Variants in SKAP1 observed in about 807,000 individuals in gnomAD.
The protein encoded by SKAP1 is src kinase-associated phosphoprotein 1.
In SKAP1, 44 loss-of-function variants were observed where a neutral mutation model predicts 58.5. The ratio of observed to expected loss-of-function variants is 0.75; its 90% confidence interval spans 0.59 to 0.97. SKAP1 has a LOEUF of 0.97. SKAP1 is among the 50% of genes least tolerant of loss of function. The pLI, the probability that SKAP1 is intolerant of heterozygous loss-of-function variation, is 0.00. For synonymous variants in SKAP1, 127 were observed against 149.7 expected, an observed-to-expected ratio of 0.85 and a Z score of 1.11; for missense variants, 390 against 435.2, an observed-to-expected ratio of 0.90 and a Z score of 0.92.
chr17:48,161,733 G>A lies in SKAP1; in HGVS notation c.978+736C>T, dbSNP rs567215116. ...AATTGCTCAAACCAATTGAGTTAAC[G>A]AGCTCTGACTCCTCCCCCATACATA... On this transcript the variant is annotated intron_variant, in intron 11 of 12. Transcript: ENST00000336915. Among the ~76,000 whole-genome samples the A allele has an allele frequency of 2.3e-3, 344 of 152,192 alleles. 1 individual carries two copies. Among genetic ancestry groups the A allele is most frequent in the Non-Finnish European group, 4.2e-3 (289 of 68,016 alleles).
intron 4 of SKAP1, among the ~76,000 whole-genome samples, chr17:48,342,975 ACT>A (rs914829177): frequency 2.6e-5 from 4 of 152,088 alleles, no homozygotes; most frequent in Admixed American, 2.0e-4. Context: ...ACAGAGCGAA[ACT>A]CTGTCTCAAA....
At chr17:48,264,592 G>T (rs948851707) in intron 4 of SKAP1, among the ~76,000 whole-genome samples, 9 of 152,114 alleles carry the variant, frequency 5.9e-5, no homozygotes, top group Non-Finnish European at 7.3e-5. Context: ...ACTCCAAAGA[G>T]ACCCATAAAG....
chr17:48,349,687 A>G (rs549944647), intron 3 of SKAP1, among the ~76,000 whole-genome samples: 1 of 152,252 alleles, frequency 6.6e-6, no homozygotes, highest in South Asian at 2.1e-4. Context: ...GTACATGTTG[A>G]GGGGCCCATA....
At chr17:48,393,058 G>T (rs2067370247) in intron 2 of SKAP1, among the ~76,000 whole-genome samples, 1 of 151,970 alleles carries the variant, frequency 6.6e-6, no homozygotes, top group Non-Finnish European at 1.5e-5. Flanking sequence ...TGCTAATCCT[G>T]CAGTGACCAT....
At chr17:48,407,499 AC>A (rs1271746960) in intron 1 of SKAP1, among the ~76,000 whole-genome samples, 21 of 152,162 alleles carry the variant, frequency 1.4e-4, no homozygotes, top group Non-Finnish European at 2.5e-4. Flanking sequence ...GATTTCACAT[AC>A]GGTTTTATTT....
At chr17:48,241,604 A>G (rs1029909127) in intron 4 of SKAP1, among the ~76,000 whole-genome samples, 2 of 151,858 alleles carry the variant, frequency 1.3e-5, no homozygotes, top group African/African-American at 4.8e-5. Flanking sequence ...TATATTTAAT[A>G]CTCTTCCTCT....
chr17:48,296,504 T>A (rs1228913193), intron 4 of SKAP1, among the ~76,000 whole-genome samples: 1 of 152,206 alleles, frequency 6.6e-6, no homozygotes, highest in Admixed American at 6.5e-5. Context: ...TTCTTTAAAA[T>A]TGTTTTGATG....
chr17:48,155,940 G>A (rs1227537005), intron 11 of SKAP1, among the ~76,000 whole-genome samples: 1 of 152,214 alleles, frequency 6.6e-6, no homozygotes, highest in Non-Finnish European at 1.5e-5. Flanking sequence ...AACTAAGCCA[G>A]GGCACCACAC....
the SKAP1 span, among the ~76,000 whole-genome samples, chr17:48,440,055 T>C: frequency 2.0e-5 from 3 of 152,174 alleles, no homozygotes; most frequent in Non-Finnish European, 4.4e-5. Flanking sequence ...GGAGAGCAAT[T>C]GCCCCTGGCA....
chr17:48,166,868 CT>C (rs34581074), intron 10 of SKAP1, among the ~76,000 whole-genome samples: 25,269 of 146,934 alleles, frequency 0.17, 2,137 homozygotes, highest in Middle Eastern at 0.19. Flanking sequence ...ACAATTTTTC[CT>C]TTTTTTTTTT....
At chr17:48,141,226 A>G (rs2063763852) in intron 11 of SKAP1, among the ~76,000 whole-genome samples, 1 of 152,060 alleles carries the variant, frequency 6.6e-6, no homozygotes, top group Non-Finnish European at 1.5e-5. Flanking sequence ...GAACTACAGA[A>G]ACAGTCTCCA....
intron 4 of SKAP1, among the ~76,000 whole-genome samples, chr17:48,320,650 C>T (rs1305814990): frequency 6.6e-6 from 1 of 152,088 alleles, no homozygotes; most frequent in African/African-American, 2.4e-5. Context: ...TGTGGTGGCT[C>T]ACACCTGTAA....
chr17:48,198,552 A>G (rs528152060), intron 4 of SKAP1, among the ~76,000 whole-genome samples: 1 of 152,118 alleles, frequency 6.6e-6, no homozygotes, highest in South Asian at 2.1e-4. Context: ...GGAGAAGTCA[A>G]TCAAAAATAA....
At chr17:48,285,338 C>T (rs796526095) in intron 4 of SKAP1, among the ~76,000 whole-genome samples, 21 of 152,242 alleles carry the variant, frequency 1.4e-4, no homozygotes, top group African/African-American at 4.8e-4. Flanking sequence ...GAGCCCTGGC[C>T]GGGCACTGTG....
At chr17:48,261,060 T>G (rs1461937572) in intron 4 of SKAP1, among the ~76,000 whole-genome samples, 1 of 152,206 alleles carries the variant, frequency 6.6e-6, no homozygotes, top group Admixed American at 6.5e-5. Flanking sequence ...TTATAGCAAT[T>G]ATCACATTTT....
chr17:48,184,760 C>T lies in SKAP1; in HGVS notation c.530G>A (p.Cys177Tyr). The change falls in exon 7 of 13, where the codon TGC (cysteine) becomes TAC (tyrosine). Residue 177 changes from cysteine to tyrosine, a missense_variant. Coordinates refer to ENST00000336915, the MANE Select transcript of SKAP1 (RefSeq NM_003726.4). The part of the protein sequence containing the change: ...HLRRDSKKES[C>Y]FELTSQDRRS... ...CCTATCCTGGGAGGTCAGTTCAAAG[C>T]AGGATTCTTTCTTGGAATCTCTTCG... 6.2e-7 allele frequency: 1 copy of T among 1,614,078 alleles called. No homozygotes were observed. The highest frequency in any genetic ancestry group is 8.5e-7 in the Non-Finnish European group (1 of 1,179,958).
At chr17:48,434,810 G>A (rs1235419615), upstream of SKAP1, among the ~76,000 whole-genome samples, 2 of 152,118 alleles carry the variant, frequency 1.3e-5, no homozygotes, top group South Asian at 2.1e-4. Context: ...AGGGATCACT[G>A]AGCCACTCTA....
rs1308328775 is a variant in SKAP1, at chr17:48,264,138, A to T, written c.281-74638T>A. ...TCTAATAAATGTCCAAAACAAAAAC[A>T]TGGAAATGGTTAAAATTGATTTTTT... is the stretch of plus-strand genomic sequence containing the variant. On this transcript the variant is annotated intron_variant, in intron 4 of 12. Transcript: ENST00000336915. 2.0e-5 allele frequency among the ~76,000 whole-genome samples: 3 copies of T among 152,126 alleles called. No homozygotes were observed. In the East Asian group the frequency reaches 5.8e-4, roughly 29 times the overall value.
At chr17:48,275,311 C>T (rs2065685217) in intron 4 of SKAP1, among the ~76,000 whole-genome samples, 1 of 152,204 alleles carries the variant, frequency 6.6e-6, no homozygotes, top group African/African-American at 2.4e-5. Flanking sequence ...TTTGATATTG[C>T]TGAGCCCTTT....
Sources: allele counts gnomAD v4.1 joint callset (sites outside exome capture counted in the v4.1 genomes callset), GRCh38; gene constraint gnomAD v4.1.1; transcripts MANE v1.5; gene names NCBI Gene and HGNC (gene_info 2026-07-23, HGNC 2026-07-21).